The following CTNNA3 variants were observed in gnomAD, a reference collection of about 807,000 sequenced individuals.
The protein encoded by CTNNA3 is catenin alpha-3.
A neutral mutation model predicts 95.7 loss-of-function variants in CTNNA3; 76 were observed. The ratio of observed to expected loss-of-function variants is 0.79; its 90% CI spans 0.66 to 0.96. CTNNA3 has a LOEUF of 0.96. Ranked by LOEUF, CTNNA3 falls within the 40% of genes least tolerant of loss-of-function variation. CTNNA3 has a pLI of 0.00. For missense variants in CTNNA3, 1,191 were observed against 1,089.8 expected (o/e 1.09, Z -1.31); for synonymous variants, 431 against 374.4 (o/e 1.15, Z -1.74).
At chr10:66,794,040 C>T (rs888569525) in intron 7 of CTNNA3, among the ~76,000 whole-genome samples, 4 of 152,084 alleles carry the variant, frequency 2.6e-5, no homozygotes, top group Non-Finnish European at 4.4e-5. Context: ...CAGACTAGTA[C>T]GTTTTAATAC....
chr10:67,363,403 T>C (rs2132676510), intron 5 of CTNNA3, among the ~76,000 whole-genome samples: 1 of 151,384 alleles, frequency 6.6e-6, no homozygotes, highest in Non-Finnish European at 1.5e-5. Context: ...ATAGTACCAG[T>C]ATAAAAATAG....
chr10:66,266,157 AAAG>A (rs1483821942), intron 13 of CTNNA3, among the ~76,000 whole-genome samples: 1 of 151,344 alleles, frequency 6.6e-6, no homozygotes, highest in African/African-American at 2.4e-5. Context: ...GGAAGGAAGG[AAAG>A]AAGGAAGGAA....
rs145384292 is a variant in CTNNA3 at position 66,823,197 on chromosome 10, T to G, written c.1048-47673A>C. 4.2e-3 allele frequency among the ~76,000 whole-genome samples: 638 copies of G among 152,336 alleles called. 6 individuals carry two copies. The highest frequency in any genetic ancestry group is 0.015 in the African/African-American group (610 of 41,586). On this transcript the variant is annotated intron_variant, in intron 7 of 17. Coordinates refer to ENST00000433211, the MANE Select transcript of CTNNA3 (RefSeq NM_013266.4). The stretch of plus-strand genomic sequence containing the variant: ...CACATTCCTAGCTGGTGGTGAGAAC[T>G]GAGCAGTGACTCTGAGAGAATGCCA...
intron 13 of CTNNA3, among the ~76,000 whole-genome samples, chr10:66,117,803 G>C (rs1028274117): frequency 2.0e-5 from 3 of 152,120 alleles, no homozygotes; most frequent in African/African-American, 7.2e-5. Flanking sequence ...TAAAATTATA[G>C]AATGCCAATA....
chr10:66,996,705 G>A (rs901449330), intron 7 of CTNNA3, among the ~76,000 whole-genome samples: 4 of 140,106 alleles, frequency 2.9e-5, no homozygotes, highest in Non-Finnish European at 6.1e-5. Flanking sequence ...GTGTTTATTT[G>A]AGTTAATTAG....
intron 11 of CTNNA3, among the ~76,000 whole-genome samples, chr10:66,458,447 T>G (rs1360072070): frequency 6.6e-6 from 1 of 152,232 alleles, no homozygotes; most frequent in African/African-American, 2.4e-5. Context: ...AAATTTATCA[T>G]GCAAGTCATT....
chr10:66,737,697 G>A (rs531599271), intron 9 of CTNNA3, among the ~76,000 whole-genome samples: 25 of 149,522 alleles, frequency 1.7e-4, no homozygotes, highest in African/African-American at 5.2e-4. Flanking sequence ...GTCTCGCTCT[G>A]TCACCAGGCT....
At chr10:66,228,688 C>A (rs1432747732) in intron 13 of CTNNA3, among the ~76,000 whole-genome samples, 1 of 151,958 alleles carries the variant, frequency 6.6e-6, no homozygotes, top group African/African-American at 2.4e-5. Flanking sequence ...TTTGATGTTT[C>A]TTTGATTTTT....
intron 6 of CTNNA3, among the ~76,000 whole-genome samples, chr10:67,196,828 T>C (rs931562537): frequency 6.6e-5 from 10 of 152,230 alleles, no homozygotes; most frequent in Admixed American, 6.5e-4. Flanking sequence ...TTATATTGAA[T>C]TAATCTTACC....
At chr10:65,927,131 C>T (rs992403987) in intron 17 of CTNNA3, among the ~76,000 whole-genome samples, 6 of 151,998 alleles carry the variant, frequency 3.9e-5, no homozygotes, top group African/African-American at 7.2e-5. Context: ...TTGAATCATA[C>T]TCTAACTCAG....
intron 9 of CTNNA3, among the ~76,000 whole-genome samples, chr10:66,672,766 T>C (rs2132476754): frequency 6.6e-6 from 1 of 152,162 alleles, no homozygotes; most frequent in East Asian, 1.9e-4. Context: ...CCAAGTGCTG[T>C]ATAATCAACT....
At chr10:66,582,535 T>C (rs909686563) in intron 10 of CTNNA3, among the ~76,000 whole-genome samples, 1 of 151,796 alleles carries the variant, frequency 6.6e-6, no homozygotes, top group African/African-American at 2.4e-5. Flanking sequence ...AGGAGTCTTT[T>C]GGAAGAATCC....
chr10:67,287,249 A>C (rs1310378307), intron 5 of CTNNA3, among the ~76,000 whole-genome samples: 1 of 152,102 alleles, frequency 6.6e-6, no homozygotes, highest in African/African-American at 2.4e-5. Flanking sequence ...GAGGCAGAAG[A>C]ATCACTTGAA....
chr10:66,009,704 C>A (rs115555812), intron 15 of CTNNA3, among the ~76,000 whole-genome samples: 1,608 of 152,228 alleles, frequency 0.011, 34 homozygotes, highest in African/African-American at 0.037. Flanking sequence ...CTTACCCATA[C>A]CTCTTTTGAG....
intron 10 of CTNNA3, among the ~76,000 whole-genome samples, chr10:66,579,090 C>G (rs1843101710): frequency 1.3e-5 from 2 of 151,004 alleles, no homozygotes; most frequent in African/African-American, 4.9e-5. Context: ...AGGAATTTAT[C>G]AATTTCTTTC....
chr10:66,186,049 T>C (rs1389689498), intron 13 of CTNNA3, among the ~76,000 whole-genome samples: 2 of 152,046 alleles, frequency 1.3e-5, no homozygotes, highest in African/African-American at 4.8e-5. Flanking sequence ...GAATAAGTTC[T>C]AGTGTTTAAC....
chr10:67,625,051 C>G (rs993071649), intron 2 of CTNNA3, among the ~76,000 whole-genome samples: 2 of 152,146 alleles, frequency 1.3e-5, no homozygotes, highest in African/African-American at 4.8e-5. Flanking sequence ...CTCTTGGTCT[C>G]TGCCATCCAG....
At chr10:67,097,558 C>G (rs1858079591) in intron 7 of CTNNA3, 1 of 1,594,956 alleles carries the variant, frequency 6.3e-7, no homozygotes, top group South Asian at 1.1e-5. Context: ...ATTTTTATAA[C>G]TGACTTTTCT....
intron 15 of CTNNA3, among the ~76,000 whole-genome samples, chr10:66,020,668 AT>A (rs10687414): frequency 5.2e-4 from 71 of 136,658 alleles, no homozygotes; most frequent in Middle Eastern, 3.8e-3. Context: ...GATGATCTGA[AT>A]TTTTTTTTTT....
Sources: gnomAD v4.1 joint callset for allele counts (sites outside exome capture counted in the v4.1 genomes callset) on GRCh38, gnomAD v4.1.1 for gene constraint, MANE v1.5 for transcripts, NCBI Gene and HGNC (gene_info 2026-07-23, HGNC 2026-07-21) for gene names.